The following MACF1 variants were observed in gnomAD, a reference collection of about 807,000 sequenced individuals.
MACF1 encodes the protein microtubule actin crosslinking factor 1, also known as microtubule-actin cross-linking factor 1.
Under a neutral mutation model 854.8 loss-of-function variants are expected in MACF1, and 193 were observed. The observed-to-expected ratio is 0.23, with a 90% CI of 0.20 to 0.25. MACF1 has a LOEUF of 0.25. Ranked by LOEUF, MACF1 falls within the 10% of genes least tolerant of loss-of-function variation. The pLI, the probability that MACF1 is intolerant of heterozygous loss-of-function variation, is 1.00. For synonymous variants in MACF1, 3,185 were observed against 3,226.7 expected (o/e 0.99, Z 0.44); for missense variants, 7,722 against 8,929.1 (o/e 0.86, Z 5.45).
intron 49 of MACF1, among the ~76,000 whole-genome samples, chr1:39,361,944 T>G (rs148485766): frequency 2.0e-5 from 3 of 152,356 alleles, no homozygotes; most frequent in Non-Finnish European, 4.4e-5. Flanking sequence ...GGGATGCAGA[T>G]TGATGGAGAT....
chr1:39,262,585 T>C (rs1248136179), intron 6 of MACF1, among the ~76,000 whole-genome samples: 1 of 152,010 alleles, frequency 6.6e-6, no homozygotes, highest in Non-Finnish European at 1.5e-5. Context: ...AACTCAACAG[T>C]GGGCAGCAGT....
chr1:39,416,422 A>G (rs545934873), intron 58 of MACF1, among the ~76,000 whole-genome samples: 1 of 152,042 alleles, frequency 6.6e-6, no homozygotes, highest in South Asian at 2.1e-4. Flanking sequence ...AGGGAAGAGG[A>G]TTGCTTGAGG....
chr1:39,423,849 G>A (rs759915180), intron 60 of MACF1, among the ~76,000 whole-genome samples, 179 bp from the exon 61 acceptor site: 1 of 151,774 alleles, frequency 6.6e-6, no homozygotes, highest in Admixed American at 6.6e-5. Flanking sequence ...TGTGTGAAAA[G>A]TATACGAGTG....
chr1:39,214,759 G>A lies in MACF1; in HGVS notation c.109+9628G>A, dbSNP rs553516518. Among the ~76,000 whole-genome samples the A allele has an allele frequency of 4.5e-4, 68 of 152,120 alleles. 1 individual carries two copies. Among genetic ancestry groups the A allele is most frequent in the Non-Finnish European group, 8.4e-4 (57 of 68,026 alleles). Reference sequence around the variant, plus strand: ...ATCTAGGGATCTGTTCACAGTGGACGGTGAGTGTATGAGCTTGCTCCATTA... The same window carrying A: ...ATCTAGGGATCTGTTCACAGTGGACAGTGAGTGTATGAGCTTGCTCCATTA... On this transcript the variant is annotated intron_variant, in intron 1 of 100. Transcript: ENST00000564288.
intron 2 of MACF1, among the ~76,000 whole-genome samples, chr1:39,176,872 G>C (rs1033319944): frequency 1.3e-5 from 2 of 152,208 alleles, no homozygotes; most frequent in Non-Finnish European, 1.5e-5. Context: ...ATTGCTTGCT[G>C]TTGAAGCCTT....
chr1:39,273,691 G>A (rs1645373947), intron 6 of MACF1, among the ~76,000 whole-genome samples: 3 of 152,004 alleles, frequency 2.0e-5, no homozygotes, highest in South Asian at 2.1e-4. Context: ...TCTGCCTCCC[G>A]GGTTCACGCC....
chr1:39,416,248 G>T (rs958022547), intron 58 of MACF1, among the ~76,000 whole-genome samples: 6 of 151,982 alleles, frequency 3.9e-5, no homozygotes, highest in Non-Finnish European at 7.4e-5. Context: ...ATGGATTTTT[G>T]ATTCATTTTT....
intron 36 of MACF1, among the ~76,000 whole-genome samples, chr1:39,329,897 C>A (rs577054877): frequency 6.6e-6 from 1 of 152,198 alleles, no homozygotes. Flanking sequence ...CTCTACTGTA[C>A]TTGTCTTTTA....
chr1:39,322,809 C>T, intron 32 of MACF1, 94 bp downstream of exon 32: 1 of 1,507,144 alleles, frequency 6.6e-7, no homozygotes, highest in Non-Finnish European at 9.2e-7. Context: ...GCTCACTTTT[C>T]TGGTGAACAT....
intron 2 of MACF1, among the ~76,000 whole-genome samples, chr1:39,234,753 G>A (rs534444420): frequency 0.028 from 3,668 of 131,504 alleles, 167 homozygotes; most frequent in African/African-American, 0.097. Flanking sequence ...CTCAGACGGG[G>A]CGGTTGCCAG....
intron 6 of MACF1, among the ~76,000 whole-genome samples, chr1:39,279,559 A>C (rs1324114411): frequency 6.6e-6 from 1 of 152,148 alleles, no homozygotes; most frequent in Admixed American, 6.5e-5. Context: ...AGAGACGACT[A>C]AGAGACAGGA....
chr1:39,098,295 T>C (rs1300577623), intron 2 of MACF1, among the ~76,000 whole-genome samples: 1 of 152,174 alleles, frequency 6.6e-6, no homozygotes, highest in Non-Finnish European at 1.5e-5. Context: ...AAAACAACTT[T>C]AGGAGGCAGA....
chr1:39,298,999 C>T (rs1006808870), intron 21 of MACF1, among the ~76,000 whole-genome samples: 6 of 152,030 alleles, frequency 3.9e-5, no homozygotes, highest in African/African-American at 9.7e-5. Context: ...TCAGCTTGTC[C>T]GTCAGGTTCG....
chr1:39,253,933 G>C (rs1304560343), intron 4 of MACF1, among the ~76,000 whole-genome samples: 1 of 152,170 alleles, frequency 6.6e-6, no homozygotes, highest in African/African-American at 2.4e-5. Flanking sequence ...ATTTAACTGT[G>C]ATTTTAGGAG....
At position 39,360,905 on chromosome 1, in the gene MACF1, G is replaced by C. The variant is rs775845989; in HGVS notation, c.12357G>C (p.Leu4119=). ...GTGTCCAGGAAAGCCTGGAGAGCCT[G>C]TTGCAGTCTATTGGGGAAGTTGAAC... is the stretch of plus-strand genomic sequence containing the variant. ...SQSVQESLES[L]LQSIGEVEQN... Residue 4119 remains leucine (L), a synonymous_variant, in exon 48 of 101, where the codon CTG becomes CTC. Coordinates refer to ENST00000564288, the MANE Select transcript of MACF1 (RefSeq NM_001394062.1). 6.2e-7 allele frequency: 1 copy of C among 1,614,032 alleles called. No homozygotes were observed. The highest frequency in any genetic ancestry group is 8.5e-7 in the Non-Finnish European group (1 of 1,180,006).
intron 51 of MACF1, among the ~76,000 whole-genome samples, chr1:39,370,865 C>CA (rs956105369): frequency 1.0e-3 from 152 of 150,988 alleles, no homozygotes; most frequent in African/African-American, 2.7e-3. Flanking sequence ...AAAACAGAAA[C>CA]AAAAAAAAAC....
intron 36 of MACF1, among the ~76,000 whole-genome samples, chr1:39,329,569 C>G (rs1437407912): frequency 1.3e-5 from 2 of 152,080 alleles, no homozygotes; most frequent in East Asian, 3.8e-4. Flanking sequence ...ACAAGATCCT[C>G]TATCAATAAG....
Position 39,285,739 on chromosome 1 carries a change from C to T in MACF1, c.1489C>T (p.Leu497=). The part of the protein sequence containing the change: ...QILRDENYYQ[L]EELAFRVMRL... ...CCTGCGGGATGAGAATTACTACCAG[C>T]TAGAAGAGCTGGCTTTTAGGTGAGG... Residue 497 remains leucine (L), a synonymous_variant, in exon 14 of 101, where the codon CTA becomes TTA. Coordinates refer to ENST00000564288, the MANE Select transcript of MACF1 (RefSeq NM_001394062.1). 6.2e-7 allele frequency: 1 copy of T among 1,614,118 alleles called. No individual in the cohort carries two copies. The highest frequency in any genetic ancestry group is 8.5e-7 in the Non-Finnish European group (1 of 1,179,990).
chr1:39,417,873 C>T (rs1000370844), intron 58 of MACF1, among the ~76,000 whole-genome samples: 1 of 151,788 alleles, frequency 6.6e-6, no homozygotes, highest in Non-Finnish European at 1.5e-5. Context: ...CCACCACACC[C>T]GGCCTGAGTA....
Sources: allele counts gnomAD v4.1 joint callset (sites outside exome capture counted in the v4.1 genomes callset), GRCh38; gene constraint gnomAD v4.1.1; transcripts MANE v1.5; gene names NCBI Gene and HGNC (gene_info 2026-07-23, HGNC 2026-07-21).